Variants in PTPRE observed in about 807,000 individuals in gnomAD.
PTPRE encodes the protein protein tyrosine phosphatase receptor type E.
A neutral mutation model predicts 102.0 loss-of-function variants in PTPRE; 51 were observed. The ratio of observed to expected loss-of-function variants is 0.50; its 90% CI spans 0.40 to 0.63. PTPRE has a LOEUF of 0.63. Among genes scored for constraint, PTPRE ranks in the 30% least tolerant of loss-of-function variants. The probability of loss-of-function intolerance (pLI) is 0.00; values close to 1 mark genes in which losing one functional copy is unlikely to be tolerated. For missense variants in PTPRE, 752 were observed against 915.1 expected (o/e 0.82, Z 2.30); for synonymous variants, 345 against 348.2 (o/e 0.99, Z 0.10).
At chr10:128,015,965 G>A (rs962286689) in intron 2 of PTPRE, among the ~76,000 whole-genome samples, 35 of 152,198 alleles carry the variant, frequency 2.3e-4, no homozygotes, top group Admixed American at 2.2e-3. Flanking sequence ...TTTAGGACAC[G>A]AGCTGCGTGT....
At chr10:127,920,519 A>C (rs1410483808) in intron 1 of PTPRE, among the ~76,000 whole-genome samples, 1 of 152,186 alleles carries the variant, frequency 6.6e-6, no homozygotes, top group Non-Finnish European at 1.5e-5. Flanking sequence ...TGGCTGACTC[A>C]GCTGTAGTCC....
chr10:128,022,222 C>T (rs778824417), intron 2 of PTPRE, among the ~76,000 whole-genome samples: 9 of 152,100 alleles, frequency 5.9e-5, no homozygotes, highest in African/African-American at 2.2e-4. Flanking sequence ...CCTCCTGAGT[C>T]GGCAGCACTG....
chr10:128,017,751 G>A (rs1042370968), intron 2 of PTPRE, among the ~76,000 whole-genome samples: 9 of 152,262 alleles, frequency 5.9e-5, no homozygotes, highest in South Asian at 4.2e-4. Context: ...TCTGTGCACC[G>A]AGGCTTTTGG....
At chr10:128,000,925 C>T (rs1048193199) in intron 2 of PTPRE, among the ~76,000 whole-genome samples, 11 of 152,162 alleles carry the variant, frequency 7.2e-5, no homozygotes, top group Admixed American at 2.6e-4. Context: ...AGGAAGCTAC[C>T]ACTCCAGGGC....
chr10:128,027,679 C>T (rs1846383112), intron 2 of PTPRE, among the ~76,000 whole-genome samples: 1 of 152,222 alleles, frequency 6.6e-6, no homozygotes, highest in African/African-American at 2.4e-5. Flanking sequence ...ATCATTTCCA[C>T]ACCAGCATTC....
At chr10:127,942,406 C>G (rs1325886363) in intron 1 of PTPRE, among the ~76,000 whole-genome samples, 1 of 152,212 alleles carries the variant, frequency 6.6e-6, no homozygotes, top group Non-Finnish European at 1.5e-5. Context: ...AATCAACTAA[C>G]AAAGCTATGC....
At chr10:127,963,170 C>T (rs898313533) in intron 1 of PTPRE, among the ~76,000 whole-genome samples, 6 of 152,102 alleles carry the variant, frequency 3.9e-5, no homozygotes, top group African/African-American at 7.2e-5. Context: ...CTGCTCCCAC[C>T]CAAGAGAGGG....
chr10:127,958,977 A>ACCT (rs2135379685), intron 1 of PTPRE, among the ~76,000 whole-genome samples: 1 of 147,230 alleles, frequency 6.8e-6, no homozygotes, highest in East Asian at 2.0e-4. Context: ...GCTCACTACA[A>ACCT]CCTCCTCCTC....
chr10:127,967,815 C>T (rs1248920188), intron 1 of PTPRE, among the ~76,000 whole-genome samples: 5 of 152,216 alleles, frequency 3.3e-5, no homozygotes, highest in South Asian at 2.1e-4. Context: ...TGCCTCCCTT[C>T]CAGGGGTAAC....
chr10:127,963,929 A>C (rs995234957), intron 1 of PTPRE, among the ~76,000 whole-genome samples: 8 of 152,178 alleles, frequency 5.3e-5, no homozygotes, highest in Non-Finnish European at 8.8e-5. Context: ...CCTGAGATAA[A>C]AAAGATGGTT....
At chr10:127,934,020 CCGCGCA>C (rs1847636686) in intron 1 of PTPRE, 1 of 104,586 alleles carries the variant, frequency 9.6e-6, no homozygotes, top group African/African-American at 4.3e-5. Context: ...CCCCCACCCC[CCGCGCA>C]CACACACACA....
At chr10:127,938,404 G>T (rs1490087376) in intron 1 of PTPRE, among the ~76,000 whole-genome samples, 3 of 151,988 alleles carry the variant, frequency 2.0e-5, no homozygotes, top group Admixed American at 1.3e-4. Context: ...GGTGGGCTCA[G>T]CTCACCCTGT....
At chr10:128,033,323 G>A (rs1414441428) in intron 2 of PTPRE, among the ~76,000 whole-genome samples, 10 of 152,190 alleles carry the variant, frequency 6.6e-5, no homozygotes, top group African/African-American at 1.4e-4. Flanking sequence ...AGAATTTCAC[G>A]AACCATCAGA....
intron 7 of PTPRE, among the ~76,000 whole-genome samples, chr10:128,058,427 C>A (rs1378752731): frequency 1.3e-5 from 2 of 152,210 alleles, no homozygotes; most frequent in Non-Finnish European, 2.9e-5. Flanking sequence ...AAGATCTTTC[C>A]CCTGCTCCTG....
At chr10:128,069,860 C>T in intron 13 of PTPRE, 33 bp downstream of exon 13, 2 of 1,613,954 alleles carry the variant, frequency 1.2e-6, no homozygotes, top group Non-Finnish European at 1.7e-6. Context: ...CCTGATCTAG[C>T]TTCCCAAAGC....
chr10:128,029,945 G>T (rs1846592386), intron 2 of PTPRE, among the ~76,000 whole-genome samples: 1 of 152,206 alleles, frequency 6.6e-6, no homozygotes, highest in South Asian at 2.1e-4. Flanking sequence ...TGGGGGCGGG[G>T]ACAGGACACT....
chr10:128,053,112 G>A (rs552177335), intron 6 of PTPRE, among the ~76,000 whole-genome samples: 8 of 152,068 alleles, frequency 5.3e-5, no homozygotes, highest in Non-Finnish European at 8.8e-5. Flanking sequence ...TTAGCTAGGC[G>A]TGGTGGTGTG....
rs764490854 is a variant in PTPRE at position 128,070,421 on chromosome 10, G to A, written c.1264G>A (p.Asp422Asn). ...CATGCACGGCACCACCACCCACTTC[G>A]ACAAGATCGGGCTGGAGGAGGAGTT... ...QTMHGTTTHF[D>N]KIGLEEEFRK... The change falls in exon 14 of 21, where the codon GAC becomes AAC. Residue 422 changes from aspartate to asparagine, a missense_variant. By Grantham distance (23) the Asp-to-Asn change is conservative. Coordinates refer to ENST00000254667, the MANE Select transcript of PTPRE (RefSeq NM_006504.6). The surrounding 1 kb of genome is among the most constrained non-coding windows in gnomAD (Gnocchi z 4.8). 14 of 1,614,100 alleles carry A rather than the reference G, an allele frequency of 8.7e-6. No individual in the cohort carries two copies. Among genetic ancestry groups the A allele is most frequent in the South Asian group, 7.7e-5 (7 of 91,054 alleles).
chr10:128,017,382 C>G (rs1201675005), intron 2 of PTPRE, among the ~76,000 whole-genome samples: 1 of 152,142 alleles, frequency 6.6e-6, no homozygotes, highest in East Asian at 1.9e-4. Context: ...GCTGCCCGAG[C>G]TGGCCTCAAA....
Sources: gnomAD v4.1 joint callset for allele counts (sites outside exome capture counted in the v4.1 genomes callset) on GRCh38, gnomAD v4.1.1 for gene constraint, Gnocchi (gnomAD v3.1) non-coding constraint, MANE v1.5 for transcripts, NCBI Gene and HGNC (gene_info 2026-07-23, HGNC 2026-07-21) for gene names.